PLEKHJ1: variants seen among roughly 807,000 people sequenced by gnomAD.
PLEKHJ1 encodes pleckstrin homology domain containing J1, also known as pleckstrin homology domain-containing family J member 1.
Under a neutral mutation model 21.7 loss-of-function variants are expected in PLEKHJ1, and 20 were observed. The observed-to-expected ratio is 0.92, with a 90% CI of 0.65 to 1.34. The LOEUF is 1.34. PLEKHJ1 is among the 40% of genes most tolerant of loss of function. The pLI is 0.00. For missense variants in PLEKHJ1, 241 were observed against 202.0 expected, an observed-to-expected ratio of 1.19 and a Z score of -1.17; for synonymous variants, 113 against 80.6, an observed-to-expected ratio of 1.40 and a Z score of -2.15.
Position 2,235,890 on chromosome 19 carries a change from TGGGACCCGCCCGCGCGCCC to T in PLEKHJ1, c.162+14_162+32del, listed in dbSNP as rs2024794689. On this transcript the variant is annotated intron_variant, in intron 2 of 5. Coordinates refer to ENST00000326631, the MANE Select transcript of PLEKHJ1 (RefSeq NM_018049.3). ...CACCCGGCCTCCGAGGGGCCCAGCC[TGGGACCCGCCCGCGCGCCC>T]GGGACGCCCCTACCTCGGCCTCGTC... 6.2e-7 allele frequency: 1 copy of T among 1,601,102 alleles called. No homozygotes were observed. The highest frequency in any genetic ancestry group is 8.5e-7 in the Non-Finnish European group (1 of 1,174,478).
chr19:2,236,264 G>T lies in PLEKHJ1; in HGVS notation c.-16C>A. Reference sequence around the variant, plus strand: ...TGTACCGCATGGCTCCGCGGGGAACGGGAACCCGGGCCGCGCCCTCCCGGC... The same window carrying T: ...TGTACCGCATGGCTCCGCGGGGAACTGGAACCCGGGCCGCGCCCTCCCGGC... On this transcript the variant is annotated 5_prime_UTR_variant, in exon 1 of 6. Coordinates refer to ENST00000326631, the MANE Select transcript of PLEKHJ1 (RefSeq NM_018049.3). The T allele has an allele frequency of 7.4e-7, 1 of 1,359,032 alleles. No individual in the cohort carries two copies. The highest frequency in any genetic ancestry group is 9.5e-7 in the Non-Finnish European group (1 of 1,055,190). The allele number at this position is 1,359,032 out of a possible 1,614,324, so 84.2% of individuals were successfully genotyped here. A position where few individuals can be genotyped will look rare whatever the true frequency, so the allele number is the denominator to read the frequency against.
downstream of PLEKHJ1, chr19:2,230,859 G>C: frequency 2.9e-6 from 1 of 346,648 alleles, no homozygotes; most frequent in Non-Finnish European, 5.2e-6. Flanking sequence ...CGGCGCCCCT[G>C]CCTGCCCCAC....
In PLEKHJ1 at chr19:2,233,623, C is replaced by A. The variant is rs2024684945; in HGVS notation, c.*217G>T. On this transcript the variant is annotated 3_prime_UTR_variant, in exon 6 of 6. Transcript: ENST00000326631. ...GTGTGGCGGCTCATGCCTGTGATCC[C>A]CGCTACTTGGGAAGCTGAGGCAGGA... is the stretch of plus-strand genomic sequence containing the variant. 5.2e-6 allele frequency: 3 copies of A among 574,502 alleles called. No homozygotes were observed. The highest frequency in any genetic ancestry group is 9.2e-6 in the Non-Finnish European group (3 of 324,872). 35.6% of individuals were successfully genotyped at this position (574,502 alleles called of 1,614,324 possible).
At chr19:2,230,649 T>C, downstream of PLEKHJ1, 2 of 398,560 alleles carry the variant, frequency 5.0e-6, no homozygotes, top group East Asian at 7.1e-5. Flanking sequence ...AGTGGCAGTA[T>C]TTTATAGAGA....
At position 2,236,150 on chromosome 19, in the gene PLEKHJ1, C is replaced by T; in HGVS notation, c.94+5G>A. ...CACTGTCTCGGTCTCCCGGGTCCCG[C>T]TCACCGCTGCCCTTCTTGGGGCCCC... is the stretch of plus-strand genomic sequence containing the variant. On this transcript the variant is annotated splice_donor_5th_base_variant and intron_variant, in intron 1 of 5. Coordinates refer to ENST00000326631, the MANE Select transcript of PLEKHJ1 (RefSeq NM_018049.3). 6.8e-7 allele frequency: 1 copy of T among 1,475,252 alleles called. No homozygotes were observed. The highest frequency in any genetic ancestry group is 9.0e-7 in the Non-Finnish European group (1 of 1,115,476). 91.4% of individuals were successfully genotyped at this position (1,475,252 alleles called of 1,614,324 possible). A position where few individuals can be genotyped will look rare whatever the true frequency, so the allele number is the denominator to read the frequency against.
downstream of PLEKHJ1, chr19:2,230,792 G>A (rs545260388): frequency 2.8e-4 from 108 of 387,658 alleles, no homozygotes; most frequent in African/African-American, 1.9e-3. Context: ...TGGCCCCAGC[G>A]TCAGCCCCGA....
chr19:2,236,127 C>G (rs1035491028), intron 1 of PLEKHJ1, 28 bp downstream of exon 1: 3 of 1,455,886 alleles, frequency 2.1e-6, no homozygotes, highest in Non-Finnish European at 2.7e-6. Context: ...GCCCCTGGCA[C>G]TGTCTCGGTC....
At chr19:2,232,520 C>T (rs533913145), downstream of PLEKHJ1, 142 of 219,628 alleles carry the variant, frequency 6.5e-4, no homozygotes, top group Admixed American at 3.5e-3. Context: ...CTCTGGGCAC[C>T]CCTGCATTCT....
Position 2,233,900 on chromosome 19 carries a change from G to C in PLEKHJ1, c.390C>G (p.Pro130=). The change falls in exon 6 of 6, where the codon CCC becomes CCG. Residue 130 remains proline, a synonymous_variant. Coordinates refer to ENST00000326631, the MANE Select transcript of PLEKHJ1 (RefSeq NM_018049.3). The part of the protein sequence containing the change: ...NEIRKVTGKD[P]LEQFGISEEA... The stretch of plus-strand genomic sequence containing the variant: ...CCTCGGATATGCCGAACTGTTCCAG[G>C]GGGTCCTGTGGGGAGGACGGGTGGC... The C allele has an allele frequency of 1.9e-6, 3 of 1,612,654 alleles. No individual in the cohort carries two copies. Among genetic ancestry groups the C allele is most frequent in the South Asian group, 2.2e-5 (2 of 91,080 alleles).
In PLEKHJ1 at chr19:2,233,467, TGGGGCCCCA is replaced by T. The variant is rs2024681523; in HGVS notation, c.*364_*372del. 3.7e-6 allele frequency: 1 copy of T among 270,418 alleles called. No individual in the cohort carries two copies. The highest frequency in any genetic ancestry group is 5.2e-5 in the Admixed American group (1 of 19,292). 16.8% of individuals were successfully genotyped at this position (270,418 alleles called of 1,614,324 possible). A position where few individuals can be genotyped will look rare whatever the true frequency, so the allele number is the denominator to read the frequency against. On this transcript the variant is annotated 3_prime_UTR_variant, in exon 6 of 6. Transcript: ENST00000326631. ...GGTGCCAGGCCAGTTAGGTGGATCC[TGGGGCCCCA>T]GGGAGCGCAGCTTGCTGGGCAGTTT...
In PLEKHJ1 at chr19:2,233,884, T is replaced by G. The variant is rs761938644; in HGVS notation, c.406A>C (p.Ile136Leu). 2.5e-6 allele frequency: 4 copies of G among 1,612,378 alleles called. No homozygotes were observed. The African/African-American group carries it at 5.3e-5, about 22-fold the overall frequency. Residue 136 changes from isoleucine (I) to leucine (L), a missense_variant, in exon 6 of 6, where the codon ATA becomes CTA. By Grantham distance (5) the Ile-to-Leu change is conservative (BLOSUM62 2). Coordinates refer to ENST00000326631, the MANE Select transcript of PLEKHJ1 (RefSeq NM_018049.3). ...AGCTGGAACCTGGCCTCCTCGGATA[T>G]GCCGAACTGTTCCAGGGGGTCCTGT... ...TGKDPLEQFG[I>L]SEEARFQLSG... is the part of the protein sequence containing the mutation.
chr19:2,235,883 C>A, intron 2 of PLEKHJ1, 40 bp downstream of exon 2: 1 of 1,595,584 alleles, frequency 6.3e-7, no homozygotes, highest in East Asian at 2.3e-5. Context: ...CTCCGAGGGG[C>A]CCAGCCTGGG....
intron 3 of PLEKHJ1, chr19:2,235,394 C>A (rs897302496): frequency 6.6e-5 from 16 of 242,340 alleles, no homozygotes; most frequent in African/African-American, 3.6e-4. Context: ...ACTCCTCCTA[C>A]CCCCACCTGG....
intron 3 of PLEKHJ1, chr19:2,235,120 C>G (rs1599645622): frequency 1.3e-5 from 2 of 152,234 alleles, no homozygotes; most frequent in East Asian, 3.8e-4. Context: ...GCAAGGAGGA[C>G]AAGGTGACGC....
At chr19:2,235,684 G>A in intron 3 of PLEKHJ1, 78 bp downstream of exon 3, 1 of 1,327,534 alleles carries the variant, frequency 7.5e-7, no homozygotes, top group Non-Finnish European at 1.0e-6. Context: ...GACCTTGGGC[G>A]CCCGGGGAGG....
downstream of PLEKHJ1, chr19:2,232,687 G>A (rs537882515): frequency 2.2e-5 from 4 of 180,004 alleles, no homozygotes; most frequent in African/African-American, 9.4e-5. Flanking sequence ...GGAGGGCCTA[G>A]GGGTGCTCCT....
Position 2,233,203 on chromosome 19 carries a change from G to A in PLEKHJ1, c.*637C>T, listed in dbSNP as rs1013639922. The stretch of plus-strand genomic sequence containing the variant: ...AACAGAACAAGCACCCTGGCCCCAG[G>A]GCAACCACTTCCCCAGGTGCACAGC... On this transcript the variant is annotated 3_prime_UTR_variant, in exon 6 of 6. Coordinates refer to ENST00000326631, the MANE Select transcript of PLEKHJ1 (RefSeq NM_018049.3). The A allele has an allele frequency of 1.3e-5, 2 of 152,856 alleles. No individual in the cohort carries two copies. Among genetic ancestry groups the A allele is most frequent in the African/African-American group, 4.8e-5 (2 of 41,462 alleles). 9.5% of individuals were successfully genotyped at this position (152,856 alleles called of 1,614,324 possible). A position where few individuals can be genotyped will look rare whatever the true frequency, so the allele number is the denominator to read the frequency against.
downstream of PLEKHJ1, chr19:2,231,851 C>T (rs1351732232): frequency 4.5e-6 from 1 of 219,890 alleles, no homozygotes; most frequent in East Asian, 6.6e-5. Flanking sequence ...ATGCAGGGCT[C>T]CTGCCCACGC....
chr19:2,234,044 C>T lies in PLEKHJ1; in HGVS notation c.338G>A (p.Arg113Lys), dbSNP rs2024703832. ...LRRASYEFMR[R>K]SLIFYRNEIR... ...TTCGTTCCTGTAGAAGATGAGGCTTCTCCGCATGAACTCGTAGCTGGGGAA... is the reference window on the plus strand; with the variant it reads ...TTCGTTCCTGTAGAAGATGAGGCTTTTCCGCATGAACTCGTAGCTGGGGAA... The change falls in exon 5 of 6, where the codon AGA (arginine) becomes AAA (lysine). Residue 113 changes from arginine to lysine, a missense_variant. Arg to Lys is a conservative substitution (Grantham distance 26). Transcript: ENST00000326631. 2 of 1,613,556 alleles carry T rather than the reference C, an allele frequency of 1.2e-6. No homozygotes were observed. Among genetic ancestry groups the T allele is most frequent in the African/African-American group, 1.3e-5 (1 of 75,044 alleles).
Sources: gnomAD v4.1 joint callset for allele counts on GRCh38, gnomAD v4.1.1 for gene constraint, MANE v1.5 for transcripts, NCBI Gene and HGNC (gene_info 2026-07-23, HGNC 2026-07-21) for gene names.